Variants in LRRC14 observed in about 807,000 individuals in gnomAD.
The protein encoded by LRRC14 is leucine rich repeat containing 14, also known as leucine-rich repeat-containing protein 14.
In LRRC14, 16 loss-of-function variants were observed where a neutral mutation model predicts 25.3. The observed-to-expected ratio is 0.63, with a 90% CI of 0.43 to 0.96. The LOEUF (loss-of-function observed/expected upper bound fraction) is 0.96. Among genes scored for constraint, LRRC14 ranks in the 40% least tolerant of loss-of-function variants. The pLI is 0.00. For missense variants in LRRC14, 594 were observed against 660.5 expected, an observed-to-expected ratio of 0.90 and a Z score of 1.10; for synonymous variants, 359 against 295.1, an observed-to-expected ratio of 1.22 and a Z score of -2.22.
At position 144,524,901 on chromosome 8, in the gene LRRC14, G is replaced by A; in HGVS notation, c.*3423G>A. On this transcript the variant is annotated 3_prime_UTR_variant, in exon 4 of 4. Transcript: ENST00000292524. Reference sequence around the variant, plus strand: ...CGTGGCGCTGTAGCAGCGGCAGGCTGCTGGGCAGCCGGCGGCGCGGAGCGG... The same window carrying A: ...CGTGGCGCTGTAGCAGCGGCAGGCTACTGGGCAGCCGGCGGCGCGGAGCGG... The A allele has an allele frequency of 2.6e-6, 4 of 1,515,256 alleles. No individual in the cohort carries two copies. Among genetic ancestry groups the A allele is most frequent in the Non-Finnish European group, 3.5e-6 (4 of 1,133,426 alleles). The allele number at this position is 1,515,256 out of a possible 1,614,324, so 93.9% of individuals were successfully genotyped here.
chr8:144,518,528 G>A (rs995931099), intron 1 of LRRC14: 5 of 152,430 alleles, frequency 3.3e-5, no homozygotes, highest in South Asian at 2.1e-4. Flanking sequence ...CTGTCAGAGC[G>A]AGTATGATCG....
Position 144,524,933 on chromosome 8 carries a change from TAGCAGCAGCAGC to T in LRRC14, c.*3456_*3467del. On this transcript the variant is annotated 3_prime_UTR_variant, in exon 4 of 4. Coordinates refer to ENST00000292524, the MANE Select transcript of LRRC14 (RefSeq NM_014665.4). ...AGCCGGCGGCGCGGAGCGGCAGTAG[TAGCAGCAGCAGC>T]GGCAGCAGTGCGGGGGCCCTCAGGG... The T allele has an allele frequency of 1.3e-6, 2 of 1,510,860 alleles. No homozygotes were observed. Among genetic ancestry groups the T allele is most frequent in the Non-Finnish European group, 1.8e-6 (2 of 1,131,000 alleles). 93.6% of individuals were successfully genotyped at this position (1,510,860 alleles called of 1,614,324 possible).
In LRRC14 at chr8:144,523,375, C is replaced by A; in HGVS notation, c.*1897C>A. On this transcript the variant is annotated 3_prime_UTR_variant, in exon 4 of 4. Transcript: ENST00000292524. ...CGCCCTCCTTGATCCAGGCACCCAG[C>A]CAGTGCAGGGCGCAGTCACAGCGCC... The A allele has an allele frequency of 1.3e-6, 2 of 1,568,324 alleles. No homozygotes were observed. The highest frequency in any genetic ancestry group is 1.7e-6 in the Non-Finnish European group (2 of 1,155,024).
Position 144,522,544 on chromosome 8 carries a change from G to A in LRRC14, c.*1066G>A, listed in dbSNP as rs1564823176. The A allele has an allele frequency of 9.2e-6, 14 of 1,528,010 alleles. No individual in the cohort carries two copies. Among genetic ancestry groups the A allele is most frequent in the African/African-American group, 2.8e-5 (2 of 70,176 alleles). 94.7% of individuals were successfully genotyped at this position (1,528,010 alleles called of 1,614,324 possible). A position where few individuals can be genotyped will look rare whatever the true frequency, so the allele number is the denominator to read the frequency against. On this transcript the variant is annotated 3_prime_UTR_variant, in exon 4 of 4. Transcript: ENST00000292524. ...CCGGCCCCGCCCCCTGTTCCGGGCC[G>A]CAGTCAGCGGGCGCCTCCGCCGGAC...
Position 144,522,517 on chromosome 8 carries a change from T to TCCCGGCCCCGGC in LRRC14, c.*1049_*1050insGCCCCGGCCCCG, listed in dbSNP as rs545249570. 6.6e-6 allele frequency: 10 copies of TCCCGGCCCCGGC among 1,504,146 alleles called. No homozygotes were observed. The highest frequency in any genetic ancestry group is 5.1e-5 in the South Asian group (4 of 79,182). The allele number at this position is 1,504,146 out of a possible 1,614,324, so 93.2% of individuals were successfully genotyped here. A position where few individuals can be genotyped will look rare whatever the true frequency, so the allele number is the denominator to read the frequency against. The stretch of plus-strand genomic sequence containing the variant: ...AGGCGACCGGCGGGGGCACGCGGAG[T>TCCCGGCCCCGGC]CCCGGCCCCGCCCCCTGTTCCGGGC... On this transcript the variant is annotated 3_prime_UTR_variant, in exon 4 of 4. Coordinates refer to ENST00000292524, the MANE Select transcript of LRRC14 (RefSeq NM_014665.4).
At position 144,523,657 on chromosome 8, in the gene LRRC14, G is replaced by C. The variant is rs932268057; in HGVS notation, c.*2179G>C. On this transcript the variant is annotated 3_prime_UTR_variant, in exon 4 of 4. Coordinates refer to ENST00000292524, the MANE Select transcript of LRRC14 (RefSeq NM_014665.4). Reference sequence around the variant, plus strand: ...ACAGATCACTTCTCCGTCGGTCTCTGAGAAAGCACCTGCTCCTTAAGTCTT... The same window carrying C: ...ACAGATCACTTCTCCGTCGGTCTCTCAGAAAGCACCTGCTCCTTAAGTCTT... 2.0e-6 allele frequency: 1 copy of C among 493,658 alleles called. No homozygotes were observed. Among genetic ancestry groups the C allele is most frequent in the Admixed American group, 3.9e-5 (1 of 25,652 alleles). 30.6% of individuals were successfully genotyped at this position (493,658 alleles called of 1,614,324 possible).
rs1227154689 is a variant in LRRC14, at chr8:144,521,973, T to C, written c.*495T>C. 6 of 175,772 alleles carry C rather than the reference T, an allele frequency of 3.4e-5. No individual in the cohort carries two copies. In the East Asian group the frequency reaches 1.0e-3, roughly 30 times the overall value. 10.9% of individuals were successfully genotyped at this position (175,772 alleles called of 1,614,324 possible). On this transcript the variant is annotated 3_prime_UTR_variant, in exon 4 of 4. Transcript: ENST00000292524. ...CTGCCACCCAGCCACCCCACTGGGC[T>C]GGGCTCGGGCTGGAGGGGGTCATCA...
Position 144,525,022 on chromosome 8 carries a change from A to G in LRRC14, c.*3544A>G. The stretch of plus-strand genomic sequence containing the variant: ...CGGCCCTTCCGCGGTTCAGCCGCAG[A>G]CGCGTGCCCTCCTGAAACACAGGTT... On this transcript the variant is annotated 3_prime_UTR_variant, in exon 4 of 4. Coordinates refer to ENST00000292524, the MANE Select transcript of LRRC14 (RefSeq NM_014665.4). The G allele has an allele frequency of 1.4e-6, 2 of 1,385,408 alleles. No individual in the cohort carries two copies. Among genetic ancestry groups the G allele is most frequent in the Non-Finnish European group, 1.9e-6 (2 of 1,073,274 alleles). 85.8% of individuals were successfully genotyped at this position (1,385,408 alleles called of 1,614,324 possible).
At position 144,523,327 on chromosome 8, in the gene LRRC14, C is replaced by G; in HGVS notation, c.*1849C>G. The G allele has an allele frequency of 6.3e-7, 1 of 1,598,250 alleles. No homozygotes were observed. The highest frequency in any genetic ancestry group is 1.1e-5 in the South Asian group (1 of 90,310). On this transcript the variant is annotated 3_prime_UTR_variant, in exon 4 of 4. Transcript: ENST00000292524. ...GCTCTGCACACATGATCTTCCTGTC[C>G]CTGGAGGTGAGCAGCCGCTGGCCGC... is the stretch of plus-strand genomic sequence containing the variant.
In LRRC14 at chr8:144,524,010, G is replaced by A; in HGVS notation, c.*2532G>A. The A allele has an allele frequency of 2.9e-6, 4 of 1,387,772 alleles. No homozygotes were observed. The highest frequency in any genetic ancestry group is 3.9e-6 in the Non-Finnish European group (4 of 1,014,950). 86.0% of individuals were successfully genotyped at this position (1,387,772 alleles called of 1,614,324 possible). A position where few individuals can be genotyped will look rare whatever the true frequency, so the allele number is the denominator to read the frequency against. ...AGGCGGTGGTGCAGCCTTCCAGACT[G>A]CTGCCCAGTTGCCTGATGTCAGAGC... On this transcript the variant is annotated 3_prime_UTR_variant, in exon 4 of 4. Transcript: ENST00000292524.
chr8:144,522,887 G>A lies in LRRC14; in HGVS notation c.*1409G>A, dbSNP rs1816177332. On this transcript the variant is annotated 3_prime_UTR_variant, in exon 4 of 4. Transcript: ENST00000292524. ...GCTGCCGGCGGGGCGGGCGGCCGGA[G>A]GCGGCGGTTGCGCGGGCTGCTGCGG... 1.6e-6 allele frequency: 2 copies of A among 1,276,782 alleles called. No individual in the cohort carries two copies. The highest frequency in any genetic ancestry group is 1.6e-5 in the African/African-American group (1 of 64,504). 79.1% of individuals were successfully genotyped at this position (1,276,782 alleles called of 1,614,324 possible).
At position 144,521,132 on chromosome 8, in the gene LRRC14, A is replaced by G; in HGVS notation, c.1136A>G (p.Asp379Gly). 2 of 1,613,024 alleles carry G rather than the reference A, an allele frequency of 1.2e-6. No homozygotes were observed. The highest frequency in any genetic ancestry group is 1.7e-6 in the Non-Finnish European group (2 of 1,180,022). Residue 379 changes from aspartate (D) to glycine (G), a missense_variant, in exon 4 of 4, where the codon GAC becomes GGC. Physicochemically the swap from Asp to Gly is moderately conservative, Grantham distance 94. Coordinates refer to ENST00000292524, the MANE Select transcript of LRRC14 (RefSeq NM_014665.4). ...HLELTECQLA[D>G]TQLLATLPIL... Reference sequence around the variant, plus strand: ...GAGCTGACTGAGTGTCAGCTCGCAGACACCCAGCTGTTGGCCACACTACCC... The same window carrying G: ...GAGCTGACTGAGTGTCAGCTCGCAGGCACCCAGCTGTTGGCCACACTACCC...
In LRRC14 at chr8:144,519,931, C is replaced by T. The variant is rs1301851523; in HGVS notation, c.206C>T (p.Ala69Val). The T allele has an allele frequency of 1.5e-5, 24 of 1,613,222 alleles. No individual in the cohort carries two copies. The East Asian group carries it at 5.1e-4, about 34-fold the overall frequency. The change falls in exon 2 of 4, where the codon GCC becomes GTC. Residue 69 changes from alanine (A) to valine (V), a missense_variant. By Grantham distance (64) the Ala-to-Val change is moderately conservative (BLOSUM62 0). Transcript: ENST00000292524. ...TTCCAGCAGCTGCTACAGGAGTGTG[C>T]CCACTGCAGCCGTGCCCTCCTGCAG... Reference protein sequence around the residue: ...LSFQQLLQECAHCSRALLQER... With the variant: ...LSFQQLLQECVHCSRALLQER...
chr8:144,524,595 C>T lies in LRRC14; in HGVS notation c.*3117C>T, dbSNP rs972677578. 2 of 1,528,772 alleles carry T rather than the reference C, an allele frequency of 1.3e-6. No homozygotes were observed. The highest frequency in any genetic ancestry group is 2.1e-5 in the Admixed American group (1 of 47,716). 94.7% of individuals were successfully genotyped at this position (1,528,772 alleles called of 1,614,324 possible). A position where few individuals can be genotyped will look rare whatever the true frequency, so the allele number is the denominator to read the frequency against. On this transcript the variant is annotated 3_prime_UTR_variant, in exon 4 of 4. Transcript: ENST00000292524. The stretch of plus-strand genomic sequence containing the variant: ...CAGCTCCAGCAGGCGCGGCTGCGCG[C>T]GGAAGGCGCCGGCCTCCAGGGCGCG...
rs1282898966 is a variant in LRRC14 at position 144,524,857 on chromosome 8, G to A, written c.*3379G>A. ...ATTCCCAGCGGGACGACGCGCAACC[G>A]CAGGGCGCCACACTCCACCGTGGCG... is the stretch of plus-strand genomic sequence containing the variant. On this transcript the variant is annotated 3_prime_UTR_variant, in exon 4 of 4. Transcript: ENST00000292524. 1.3e-6 allele frequency: 2 copies of A among 1,493,772 alleles called. No individual in the cohort carries two copies. The highest frequency in any genetic ancestry group is 2.2e-5 in the Admixed American group (1 of 45,910). 92.5% of individuals were successfully genotyped at this position (1,493,772 alleles called of 1,614,324 possible).
chr8:144,522,784 GATGGCCGCCGCA>G lies in LRRC14; in HGVS notation c.*1314_*1325del. ...GCAGCGCCGTGAGCGCCAGCAGCGCGATGGCCGCCGCAATGGCCGTCTGTGTGGCCACGCCCA... is the reference window on the plus strand; with the variant it reads ...GCAGCGCCGTGAGCGCCAGCAGCGCGATGGCCGTCTGTGTGGCCACGCCCA... On this transcript the variant is annotated 3_prime_UTR_variant, in exon 4 of 4. Transcript: ENST00000292524. 2 of 1,554,492 alleles carry G rather than the reference GATGGCCGCCGCA, an allele frequency of 1.3e-6. No individual in the cohort carries two copies. Among genetic ancestry groups the G allele is most frequent in the South Asian group, 1.2e-5 (1 of 84,986 alleles).
Position 144,523,537 on chromosome 8 carries a change from G to A in LRRC14, c.*2059G>A, listed in dbSNP as rs866242319. 1 of 1,341,778 alleles carries A rather than the reference G, an allele frequency of 7.5e-7. No homozygotes were observed. The highest frequency in any genetic ancestry group is 9.4e-7 in the Non-Finnish European group (1 of 1,063,156). The allele number at this position is 1,341,778 out of a possible 1,614,324, so 83.1% of individuals were successfully genotyped here. On this transcript the variant is annotated 3_prime_UTR_variant, in exon 4 of 4. Coordinates refer to ENST00000292524, the MANE Select transcript of LRRC14 (RefSeq NM_014665.4). ...CACAGCGTTTTCACACGGAGTCCAAGGCCCTGCCACCCCTTCCTTGACCCC... is the reference window on the plus strand; with the variant it reads ...CACAGCGTTTTCACACGGAGTCCAAAGCCCTGCCACCCCTTCCTTGACCCC...
Position 144,519,664 on chromosome 8 carries a change from A to T in LRRC14, c.-62A>T, listed in dbSNP as rs1252023752. On this transcript the variant is annotated 5_prime_UTR_variant, in exon 2 of 4. Transcript: ENST00000292524. ...CTTGTGTGTGGCTTGGTAGTGGCCT[A>T]GGGTCTCTCCTCCCTGCTGAAGTCC... 2.1e-6 allele frequency: 3 copies of T among 1,448,438 alleles called. No individual in the cohort carries two copies. In the Admixed American group the frequency reaches 5.9e-5, roughly 29 times the overall value. The allele number at this position is 1,448,438 out of a possible 1,614,324, so 89.7% of individuals were successfully genotyped here. A position where few individuals can be genotyped will look rare whatever the true frequency, so the allele number is the denominator to read the frequency against.
At position 144,522,591 on chromosome 8, in the gene LRRC14, A is replaced by G. The variant is rs774507639; in HGVS notation, c.*1113A>G. Reference sequence around the variant, plus strand: ...GGACCCTCGGCGAAGAGCGGCTTGGAGCGGTTGATGACGAACATCTCGTGG... The same window carrying G: ...GGACCCTCGGCGAAGAGCGGCTTGGGGCGGTTGATGACGAACATCTCGTGG... On this transcript the variant is annotated 3_prime_UTR_variant, in exon 4 of 4. Coordinates refer to ENST00000292524, the MANE Select transcript of LRRC14 (RefSeq NM_014665.4). 1.7e-5 allele frequency: 26 copies of G among 1,561,988 alleles called. No individual in the cohort carries two copies. The highest frequency in any genetic ancestry group is 1.8e-5 in the Non-Finnish European group (21 of 1,156,940).
Sources: allele counts gnomAD v4.1 joint callset, GRCh38; gene constraint gnomAD v4.1.1; transcripts MANE v1.5; gene names NCBI Gene and HGNC (gene_info 2026-07-23, HGNC 2026-07-21).